ATP8B1: variants seen among roughly 807,000 people sequenced by gnomAD.
ATP8B1 encodes phospholipid-transporting ATPase IC.
ATP8B1 carries 80 observed loss-of-function variants against 149.9 expected under a neutral mutation model. The ratio of observed to expected loss-of-function variants is 0.53; its 90% CI spans 0.45 to 0.64. The LOEUF (loss-of-function observed/expected upper bound fraction) is 0.64. Among genes scored for constraint, ATP8B1 ranks in the 30% least tolerant of loss-of-function variants. The pLI is 0.00. For synonymous variants in ATP8B1, 536 were observed against 562.8 expected (o/e 0.95, Z 0.67); for missense variants, 1,247 against 1,552.6 (o/e 0.80, Z 3.31).
intron 2 of ATP8B1, chr18:57,731,386 C>T: frequency 2.9e-6 from 1 of 344,780 alleles, no homozygotes; most frequent in South Asian, 2.5e-5. Flanking sequence ...CACACACTAA[C>T]AAAGACCTTA....
At chr18:57,650,199 C>T (rs894423670) in intron 27 of ATP8B1, among the ~76,000 whole-genome samples, 168 bp downstream of exon 27, 7 of 152,140 alleles carry the variant, frequency 4.6e-5, no homozygotes, top group African/African-American at 1.7e-4. Context: ...ACACTAAACT[C>T]CCAATTCCAA....
Position 57,706,471 on chromosome 18 carries a change from C to A in ATP8B1, c.279+19G>T, listed in dbSNP as rs1568204575. On this transcript the variant is annotated intron_variant, in intron 3 of 27. Transcript: ENST00000648908. The stretch of plus-strand genomic sequence containing the variant: ...AAACTGCATTTTAATGAAAACAATT[C>A]AGAAAGTTAACAACTCACCGCATAT... 4.4e-6 allele frequency: 7 copies of A among 1,602,854 alleles called. No homozygotes were observed. The South Asian group carries it at 6.6e-5, about 15-fold the overall frequency.
At chr18:57,705,421 T>C (rs2122967155) in intron 3 of ATP8B1, among the ~76,000 whole-genome samples, 1 of 152,348 alleles carries the variant, frequency 6.6e-6, no homozygotes, top group Non-Finnish European at 1.5e-5. Flanking sequence ...CTAATATCTA[T>C]GAATGGGATC....
intron 22 of ATP8B1, among the ~76,000 whole-genome samples, chr18:57,659,534 G>A (rs1387338214): frequency 2.0e-5 from 3 of 151,844 alleles, no homozygotes; most frequent in South Asian, 2.1e-4. Flanking sequence ...TGTCCTTTTG[G>A]CACGGCTAGT....
At chr18:57,705,809 C>T (rs1209218895) in intron 3 of ATP8B1, among the ~76,000 whole-genome samples, 1 of 152,114 alleles carries the variant, frequency 6.6e-6, no homozygotes, top group African/African-American at 2.4e-5. Flanking sequence ...CTATGGAAGC[C>T]CTTGGCATTA....
At chr18:57,771,086 C>T (rs2123372846) in intron 1 of ATP8B1, among the ~76,000 whole-genome samples, 1 of 152,318 alleles carries the variant, frequency 6.6e-6, no homozygotes, top group East Asian at 1.9e-4. Context: ...TGGTTTTGAA[C>T]TCCTTTTCAA....
rs958516005 is a variant in ATP8B1 at position 57,647,134 on chromosome 18, T to C, written c.*1354A>G. ...ATATAGGCAGGCACAAAAGTTTGCTTTCCAAAAGAAAGCTTTGCAAAATAT... is the reference window on the plus strand; with the variant it reads ...ATATAGGCAGGCACAAAAGTTTGCTCTCCAAAAGAAAGCTTTGCAAAATAT... On this transcript the variant is annotated 3_prime_UTR_variant, in exon 28 of 28. Transcript: ENST00000648908. 8.5e-5 allele frequency: 13 copies of C among 152,342 alleles called. No individual in the cohort carries two copies. The highest frequency in any genetic ancestry group is 3.1e-4 in the African/African-American group (13 of 41,578). The allele number at this position is 152,342 out of a possible 1,614,324, so 9.4% of individuals were successfully genotyped here.
chr18:57,761,122 A>AAT (rs796997713), intron 1 of ATP8B1, among the ~76,000 whole-genome samples: 1 of 48,926 alleles, frequency 2.0e-5, no homozygotes, highest in Non-Finnish European at 6.1e-5. Flanking sequence ...TATAAAATAA[A>AAT]ATAAAATAAA....
intron 1 of ATP8B1, among the ~76,000 whole-genome samples, chr18:57,762,644 T>A (rs545972571): frequency 6.6e-6 from 1 of 152,310 alleles, no homozygotes; most frequent in African/African-American, 2.4e-5. Context: ...GCTGCTTATA[T>A]CCCGTGATCC....
rs71171074 is a variant in ATP8B1, at chr18:57,729,549, C to CTTTT, written c.181+2074_181+2077dup. 2.5e-4 allele frequency among the ~76,000 whole-genome samples: 30 copies of CTTTT among 120,736 alleles called. 2 individuals are homozygous for CTTTT. Among genetic ancestry groups the CTTTT allele is most frequent in the South Asian group, 1.4e-3 (5 of 3,584 alleles). 79.2% of individuals were successfully genotyped at this position (120,736 alleles called of 152,430 possible). A position where few individuals can be genotyped will look rare whatever the true frequency, so the allele number is the denominator to read the frequency against. ...GGTGGGAATTCCATTTTCTTTCTTT[C>CTTTT]TTTTTTTTTTTTTTTTTTGAGTTGG... On this transcript the variant is annotated intron_variant, in intron 2 of 27. Coordinates refer to ENST00000648908, the MANE Select transcript of ATP8B1 (RefSeq NM_001374385.1).
chr18:57,697,833 C>CTGGAG lies in ATP8B1; in HGVS notation c.588_589insCTCCA (p.Gly197LeufsTer8). Reference sequence around the variant, plus strand: ...TTTTTTTTCAGACGAATGACGTCTCCAACTTGAATTTCTTTCCACTTAGCA... The same window carrying CTGGAG: ...TTTTTTTTCAGACGAATGACGTCTCCTGGAGAACTTGAATTTCTTTCCACTTAGCA... On this transcript the variant is annotated frameshift_variant, in exon 7 of 28. Transcript: ENST00000648908. LOFTEE classifies it high-confidence loss of function. 1 of 1,613,712 alleles carries CTGGAG rather than the reference C, an allele frequency of 6.2e-7. No individual in the cohort carries two copies. The highest frequency in any genetic ancestry group is 1.1e-5 in the South Asian group (1 of 91,072).
At position 57,655,341 on chromosome 18, in the gene ATP8B1, C is replaced by T. The variant is rs1909924874; in HGVS notation, c.2784G>A (p.Gln928=). 1 of 1,614,232 alleles carries T rather than the reference C, an allele frequency of 6.2e-7. No individual in the cohort carries two copies. ...AVMSSDYSFA[Q]FRYLQRLLLV... ...GCAGTAGCCTCTGCAGATATCGGAA[C>T]TGAGCAAAGGAATAGTCACTCGACA... Residue 928 remains glutamine (Q), a synonymous_variant, in exon 23 of 28, where the codon CAG becomes CAA. Coordinates refer to ENST00000648908, the MANE Select transcript of ATP8B1 (RefSeq NM_001374385.1).
intron 1 of ATP8B1, among the ~76,000 whole-genome samples, chr18:57,758,407 G>A (rs866965127): frequency 1.3e-5 from 2 of 151,978 alleles, no homozygotes; most frequent in African/African-American, 2.4e-5. Context: ...TTGGGAGGCT[G>A]AGGCGGGTGG....
At chr18:57,764,342 T>TCC (rs1599211543) in intron 1 of ATP8B1, among the ~76,000 whole-genome samples, 2 of 53,160 alleles carry the variant, frequency 3.8e-5, no homozygotes, top group East Asian at 6.2e-4. Context: ...TTTCTTTCTT[T>TCC]TTCTTTCTTT....
intron 1 of ATP8B1, among the ~76,000 whole-genome samples, chr18:57,736,808 T>C (rs1476133288): frequency 1.3e-5 from 2 of 152,058 alleles, no homozygotes; most frequent in African/African-American, 4.8e-5. Flanking sequence ...AGGGGCCCAG[T>C]TTCATTCTTT....
chr18:57,746,920 G>A (rs2079969823), intron 1 of ATP8B1, among the ~76,000 whole-genome samples: 1 of 152,246 alleles, frequency 6.6e-6, no homozygotes, highest in South Asian at 2.1e-4. Context: ...TGTCAAGGCA[G>A]AAGAGTTGAA....
chr18:57,716,915 A>T (rs181994327), intron 2 of ATP8B1, among the ~76,000 whole-genome samples: 120 of 152,364 alleles, frequency 7.9e-4, no homozygotes, highest in Non-Finnish European at 1.1e-3. Flanking sequence ...GACAGAACGT[A>T]TATTAAGTCA....
At chr18:57,706,679 C>T in intron 2 of ATP8B1, 92 bp from the exon 3 acceptor site, 2 of 1,004,880 alleles carry the variant, frequency 2.0e-6, no homozygotes, top group Non-Finnish European at 3.1e-6. Flanking sequence ...ATGTTGAAGT[C>T]CTAAACCTCC....
Position 57,731,524 on chromosome 18 carries a change from T to C in ATP8B1, c.181+103A>G, listed in dbSNP as rs651867. ...CCTAAGAAGAGATCAGAGAAGATTC[T>C]CTCCTAGACCACGCAAAATAGACCG... On this transcript the variant is annotated intron_variant, in intron 2 of 27. Transcript: ENST00000648908. 1,322,176 of 1,326,940 alleles carry C rather than the reference T, an allele frequency of 1. 658,827 individuals are homozygous for C. Among genetic ancestry groups the C allele is most frequent in the East Asian group, 1 (39,990 of 39,990 alleles). 82.2% of individuals were successfully genotyped at this position (1,326,940 alleles called of 1,614,324 possible).
Sources: allele counts gnomAD v4.1 joint callset (sites outside exome capture counted in the v4.1 genomes callset), GRCh38; gene constraint gnomAD v4.1.1; transcripts MANE v1.5; gene names NCBI Gene and HGNC (gene_info 2026-07-23, HGNC 2026-07-21).